The following VPS13D variants were observed in gnomAD, a reference collection of about 807,000 sequenced individuals.
VPS13D encodes the protein intermembrane lipid transfer protein VPS13D.
A neutral mutation model predicts 461.9 loss-of-function variants in VPS13D; 187 were observed. The ratio of observed to expected loss-of-function variants is 0.40; its 90% confidence interval spans 0.36 to 0.46. VPS13D has a LOEUF of 0.46. Ranked by LOEUF, VPS13D falls within the 20% of genes least tolerant of loss-of-function variation. The pLI is 0.60. For missense variants in VPS13D, 4,711 were observed against 5,364.9 expected, an observed-to-expected ratio of 0.88 and a Z score of 3.81; for synonymous variants, 1,951 against 1,986.3, an observed-to-expected ratio of 0.98 and a Z score of 0.47.
At position 12,416,217 on chromosome 1, in the gene VPS13D, C is replaced by A. The variant is rs554778892; in HGVS notation, c.12166-443C>A. 5.3e-5 allele frequency among the ~76,000 whole-genome samples: 8 copies of A among 152,250 alleles called. 1 individual carries two copies. The South Asian group carries it at 1.7e-3, about 32-fold the overall frequency. On this transcript the variant is annotated intron_variant, in intron 64 of 69. Coordinates refer to ENST00000620676, the MANE Select transcript of VPS13D (RefSeq NM_015378.4). ...GTGGAGGTTTGCTTGATAAGTCTCT[C>A]CATGCCTTCTTCAGGCCCCCCACCC... is the stretch of plus-strand genomic sequence containing the variant.
chr1:12,273,705 T>C (rs1641522341), intron 18 of VPS13D, among the ~76,000 whole-genome samples: 2 of 152,202 alleles, frequency 1.3e-5, no homozygotes, highest in South Asian at 4.1e-4. Context: ...TCAAGGTTAT[T>C]CTGTGTTGTA....
At chr1:12,334,019 A>T (rs1212025775) in intron 38 of VPS13D, among the ~76,000 whole-genome samples, 1 of 152,202 alleles carries the variant, frequency 6.6e-6, no homozygotes, top group Non-Finnish European at 1.5e-5. Context: ...GATCTACTTG[A>T]TCTGATTTTG....
At chr1:12,471,955 A>T (rs1194260715) in intron 67 of VPS13D, among the ~76,000 whole-genome samples, 1 of 152,038 alleles carries the variant, frequency 6.6e-6, no homozygotes, top group Non-Finnish European at 1.5e-5. Context: ...TTGCTAATTT[A>T]TCCACAAACA....
chr1:12,257,840 A>G, intron 9 of VPS13D, 95 bp from the exon 10 acceptor site: 1 of 1,411,092 alleles, frequency 7.1e-7, no homozygotes, highest in Non-Finnish European at 9.8e-7. Context: ...AAGATGTCTC[A>G]GGAGAGGAGT....
At position 12,406,884 on chromosome 1, in the gene VPS13D, G is replaced by T. The variant is rs540443561; in HGVS notation, c.12030+2911G>T. Reference sequence around the variant, plus strand: ...GAGCATTGGGGTATTACAAAAGAAGGGCTTTAATTGAGCAATCTAGTTTGG... The same window carrying T: ...GAGCATTGGGGTATTACAAAAGAAGTGCTTTAATTGAGCAATCTAGTTTGG... On this transcript the variant is annotated intron_variant, in intron 63 of 69. Coordinates refer to ENST00000620676, the MANE Select transcript of VPS13D (RefSeq NM_015378.4). Among the ~76,000 whole-genome samples, 8 of 152,242 alleles carry T rather than the reference G, an allele frequency of 5.3e-5. No individual in the cohort carries two copies. The East Asian group carries it at 1.3e-3, about 26-fold the overall frequency.
Position 12,283,093 on chromosome 1 carries a change from T to G in VPS13D, c.4991T>G (p.Ile1664Ser). ...FSKDHPQTLS[I>S]QIALHSLLME... The stretch of plus-strand genomic sequence containing the variant: ...AAAGACCATCCCCAGACTTTATCTA[T>G]TCAGATTGCCCTGCATTCTCTGCTG... Residue 1664 changes from isoleucine (I) to serine (S), a missense_variant, in exon 21 of 70, where the codon ATT (isoleucine) becomes AGT (serine). Physicochemically the swap from Ile to Ser is moderately radical, Grantham distance 142 (BLOSUM62 -2). Around this residue, in one of 3 missense-constraint regions of VPS13D, gnomAD observed 4,411 missense variants for 4,937.8 expected, o/e 0.89. Transcript: ENST00000620676. The G allele has an allele frequency of 1.2e-6, 2 of 1,614,214 alleles. No homozygotes were observed. The highest frequency in any genetic ancestry group is 1.7e-6 in the Non-Finnish European group (2 of 1,180,028).
intron 67 of VPS13D, among the ~76,000 whole-genome samples, chr1:12,481,772 C>T (rs527864249): frequency 5.3e-5 from 8 of 152,332 alleles, no homozygotes; most frequent in African/African-American, 1.9e-4. Context: ...CTGTAAACCC[C>T]TTCACTCTAG....
chr1:12,451,062 C>T (rs1229719472), intron 65 of VPS13D, among the ~76,000 whole-genome samples: 2 of 152,154 alleles, frequency 1.3e-5, no homozygotes, highest in Admixed American at 1.3e-4. Flanking sequence ...CCTTTGGCAC[C>T]CCATGCTTGC....
chr1:12,256,141 C>G, intron 7 of VPS13D, 192 bp from the exon 8 acceptor site: 4 of 556,660 alleles, frequency 7.2e-6, no homozygotes, highest in Non-Finnish European at 1.2e-5. Flanking sequence ...CCAGACAGGG[C>G]AATATAGTGA....
chr1:12,346,704 C>A, intron 44 of VPS13D, 52 bp downstream of exon 44: 1 of 1,494,840 alleles, frequency 6.7e-7, no homozygotes, highest in South Asian at 1.2e-5. Context: ...ATACACTGCA[C>A]CTGAATCATG....
intron 55 of VPS13D, among the ~76,000 whole-genome samples, chr1:12,375,399 A>G (rs1644184567): frequency 6.6e-6 from 1 of 152,228 alleles, no homozygotes; most frequent in Non-Finnish European, 1.5e-5. Context: ...TATACTGTAC[A>G]TATTTATTTC....
At chr1:12,346,575 G>T in intron 43 of VPS13D, 30 bp from the exon 44 acceptor site, 1 of 1,610,872 alleles carries the variant, frequency 6.2e-7, no homozygotes, top group South Asian at 1.1e-5. Flanking sequence ...TTAAGTCTGT[G>T]CTGACTCTAA....
chr1:12,341,989 A>G, intron 41 of VPS13D, 104 bp downstream of exon 41: 2 of 946,772 alleles, frequency 2.1e-6, no homozygotes, highest in Admixed American at 4.8e-5. Context: ...TCTTGGGATG[A>G]TATTTGAATG....
At chr1:12,469,512 G>A (rs913747272) in intron 67 of VPS13D, among the ~76,000 whole-genome samples, 2 of 152,290 alleles carry the variant, frequency 1.3e-5, no homozygotes, top group South Asian at 4.1e-4. Flanking sequence ...GCCAACAAAC[G>A]TACCTGGTTA....
intron 50 of VPS13D, among the ~76,000 whole-genome samples, chr1:12,361,219 G>A (rs1350446415): frequency 1.3e-5 from 2 of 151,758 alleles, no homozygotes; most frequent in African/African-American, 4.8e-5. Context: ...TATTATTATT[G>A]TTGTTGTTGT....
In VPS13D at chr1:12,362,752, A is replaced by G. The variant is rs774537366; in HGVS notation, c.10174A>G (p.Ile3392Val). ...TGTCAAGAAAGGCCGAGGTCGATAC[A>G]TTGATACCTGCATGGTCATCTTTGC... ...IDVKKGRGRY[I>V]DTCMVIFAPR... Residue 3392 changes from isoleucine to valine, a missense_variant, in exon 51 of 70, where the codon ATT becomes GTT. This residue lies in a region of VPS13D where 4,411 missense variants were observed against 4,937.8 expected (regional missense o/e 0.89). Transcript: ENST00000620676. 1.6e-5 allele frequency: 26 copies of G among 1,614,136 alleles called. No homozygotes were observed. The highest frequency in any genetic ancestry group is 4.0e-5 in the African/African-American group (3 of 74,944).
intron 40 of VPS13D, among the ~76,000 whole-genome samples, chr1:12,340,333 C>T (rs1041858448): frequency 2.6e-5 from 4 of 152,168 alleles, no homozygotes; most frequent in Admixed American, 6.5e-5. Flanking sequence ...GGAGACTGCT[C>T]ATTTGTTTAG....
chr1:12,369,813 C>A, intron 54 of VPS13D, 111 bp downstream of exon 54: 1 of 973,174 alleles, frequency 1.0e-6, no homozygotes, highest in Non-Finnish European at 1.5e-6. Context: ...AAGATTCTTT[C>A]ATTCTTTACC....
In VPS13D at chr1:12,321,798, T is replaced by G. The variant is rs200620927; in HGVS notation, c.7549-11T>G. 5.0e-5 allele frequency: 79 copies of G among 1,593,668 alleles called. No individual in the cohort carries two copies. Among genetic ancestry groups the G allele is most frequent in the Middle Eastern group, 1.7e-4 (1 of 6,004 alleles). On this transcript the variant is annotated splice_polypyrimidine_tract_variant and intron_variant, in intron 32 of 69. Coordinates refer to ENST00000620676, the MANE Select transcript of VPS13D (RefSeq NM_015378.4). The stretch of plus-strand genomic sequence containing the variant: ...ACATTAATTCTCGCCATATTGCATT[T>G]CATTCTGTAGGTGTTTTCATGCCGA...
Sources: allele counts gnomAD v4.1 joint callset (sites outside exome capture counted in the v4.1 genomes callset), GRCh38; gene constraint gnomAD v4.1.1; regional missense constraint gnomAD v4.1.1; transcripts MANE v1.5; gene names NCBI Gene and HGNC (gene_info 2026-07-23, HGNC 2026-07-21).